SLC39A10: variants seen among roughly 807,000 people sequenced by gnomAD.
SLC39A10 encodes solute carrier family 39 member 10, also known as zinc transporter ZIP10.
SLC39A10 carries 13 observed loss-of-function variants against 65.1 expected under a neutral mutation model. The observed-to-expected ratio is 0.20, with a 90% confidence interval of 0.13 to 0.32. SLC39A10 has a LOEUF of 0.32. Among genes scored for constraint, SLC39A10 ranks in the 10% least tolerant of loss-of-function variants. The pLI, the probability that SLC39A10 is intolerant of heterozygous loss-of-function variation, is 1.00. For synonymous variants in SLC39A10, 321 were observed against 342.2 expected, an observed-to-expected ratio of 0.94 and a Z score of 0.68; for missense variants, 831 against 1,018.4, an observed-to-expected ratio of 0.82 and a Z score of 2.50.
At chr2:195,659,529 A>G (rs552491085) in intron 1 of SLC39A10, among the ~76,000 whole-genome samples, 88 of 152,330 alleles carry the variant, frequency 5.8e-4, no homozygotes, top group African/African-American at 2.1e-3. Flanking sequence ...CCTTCTGATT[A>G]GAGAAATTTA....
chr2:195,628,986 T>C (rs80319841), intron 2 of SLC39A10, among the ~76,000 whole-genome samples: 1 of 152,290 alleles, frequency 6.6e-6, no homozygotes, highest in African/African-American at 2.4e-5. Flanking sequence ...AATATCTCAA[T>C]TATTAAGTCT....
At position 195,736,024 on chromosome 2, in the gene SLC39A10, C is replaced by T. The variant is rs192751461; in HGVS notation, c.*983C>T. 3.9e-5 allele frequency: 6 copies of T among 152,508 alleles called. No individual in the cohort carries two copies. The highest frequency in any genetic ancestry group is 1.2e-4 in the African/African-American group (5 of 41,510). 9.4% of individuals were successfully genotyped at this position (152,508 alleles called of 1,614,324 possible). A position where few individuals can be genotyped will look rare whatever the true frequency, so the allele number is the denominator to read the frequency against. The stretch of plus-strand genomic sequence containing the variant: ...TGGCACTGGAACCAAGAGCACATGT[C>T]GTGGCTGGCTACAAGGTTGTAAAGC... On this transcript the variant is annotated 3_prime_UTR_variant, in exon 10 of 10. Transcript: ENST00000359634.
At chr2:195,632,595 A>G (rs939704644) in intron 2 of SLC39A10, among the ~76,000 whole-genome samples, 4 of 152,138 alleles carry the variant, frequency 2.6e-5, no homozygotes, top group African/African-American at 9.7e-5. Context: ...GGCATGAGCC[A>G]CCACACCTGG....
chr2:195,723,924 G>GA (rs1553507212), intron 8 of SLC39A10, among the ~76,000 whole-genome samples: 2 of 151,740 alleles, frequency 1.3e-5, no homozygotes, highest in African/African-American at 2.4e-5. Flanking sequence ...AGTTGAAAAA[G>GA]AAAAAAATAT....
intron 2 of SLC39A10, among the ~76,000 whole-genome samples, chr2:195,633,930 G>C (rs1434440098): frequency 6.6e-6 from 1 of 152,216 alleles, no homozygotes; most frequent in Non-Finnish European, 1.5e-5. Context: ...TTCGGCTTGA[G>C]GGTGGGGCTT....
chr2:195,688,174 G>A lies in SLC39A10; in HGVS notation c.1216+4268G>A, dbSNP rs540647081. ...CATATAAAGAAAACATTTATTAGTG[G>A]TATTTAATAGTTTGTATATTGTTTT... On this transcript the variant is annotated intron_variant, in intron 3 of 9. Transcript: ENST00000359634. Among the ~76,000 whole-genome samples, 18 of 152,120 alleles carry A rather than the reference G, an allele frequency of 1.2e-4. 1 individual carries two copies. The East Asian group carries it at 3.3e-3, about 28-fold the overall frequency.
chr2:195,732,436 GGC>G (rs1692459349), intron 9 of SLC39A10, among the ~76,000 whole-genome samples: 1 of 152,106 alleles, frequency 6.6e-6, no homozygotes, highest in Non-Finnish European at 1.5e-5. Context: ...AAACAAATAT[GGC>G]CATACCGGTA....
intron 2 of SLC39A10, among the ~76,000 whole-genome samples, chr2:195,616,770 A>AT (rs1187826116): frequency 6.6e-6 from 1 of 151,124 alleles, no homozygotes; most frequent in African/African-American, 2.4e-5. Context: ...CGCCTGGCTA[A>AT]TTTTTTGTAT....
At chr2:195,629,498 T>C (rs1688540817) in intron 2 of SLC39A10, among the ~76,000 whole-genome samples, 1 of 151,872 alleles carries the variant, frequency 6.6e-6, no homozygotes. Context: ...AAAATATATA[T>C]CTCAAGTCTG....
chr2:195,729,538 C>T (rs1692365651), intron 9 of SLC39A10, among the ~76,000 whole-genome samples: 1 of 152,172 alleles, frequency 6.6e-6, no homozygotes, highest in South Asian at 2.1e-4. Flanking sequence ...CATTTACATT[C>T]TTTCCTGTTA....
At chr2:195,701,153 T>G (rs1164763696) in intron 3 of SLC39A10, among the ~76,000 whole-genome samples, 5 of 151,992 alleles carry the variant, frequency 3.3e-5, no homozygotes. Context: ...CATCAGTAAT[T>G]TCCATTGTCC....
At chr2:195,714,100 T>C (rs1288445116) in intron 6 of SLC39A10, among the ~76,000 whole-genome samples, 3 of 151,976 alleles carry the variant, frequency 2.0e-5, no homozygotes, top group African/African-American at 7.3e-5. Context: ...CTAATTTTTT[T>C]CTTTGTATTT....
intron 5 of SLC39A10, among the ~76,000 whole-genome samples, chr2:195,709,968 G>T (rs1185985105): frequency 6.6e-6 from 1 of 152,138 alleles, no homozygotes; most frequent in African/African-American, 2.4e-5. Context: ...CTGGAGGTAA[G>T]AAGTCAGATT....
chr2:195,706,748 C>A lies in SLC39A10; in HGVS notation c.1349C>A (p.Thr450Lys). 1 of 1,592,064 alleles carries A rather than the reference C, an allele frequency of 6.3e-7. No individual in the cohort carries two copies. ...LTFLVALAVG[T>K]MSGDALLHLL... ...TTCCTTGTTGCATTAGCTGTAGGAACAATGAGTGGAGACGCCCTTCTTCAT... is the reference window on the plus strand; with the variant it reads ...TTCCTTGTTGCATTAGCTGTAGGAAAAATGAGTGGAGACGCCCTTCTTCAT... The change falls in exon 4 of 10, where the codon ACA (threonine) becomes AAA (lysine). Residue 450 changes from threonine (T) to lysine (K), a missense_variant. This residue lies in a region of SLC39A10 where 35 missense variants were observed against 72.4 expected (regional missense o/e 0.48). Coordinates refer to ENST00000359634, the MANE Select transcript of SLC39A10 (RefSeq NM_020342.3).
At chr2:195,617,729 A>ATTTTATTTTATTTTATTTTATTTTC (rs1688250471) in intron 2 of SLC39A10, among the ~76,000 whole-genome samples, 1 of 123,380 alleles carries the variant, frequency 8.1e-6, no homozygotes, top group African/African-American at 2.7e-5. Context: ...CTTTTCTTTT[A>ATTTTATTTTATTTTATTTTATTTTC]TTTTATTTTA....
rs187064062 is a variant in SLC39A10, at chr2:195,672,197, C to A, written c.-11-7835C>A. Among the ~76,000 whole-genome samples the A allele has an allele frequency of 2.1e-3, 325 of 152,204 alleles. 1 individual carries two copies. Among genetic ancestry groups the A allele is most frequent in the African/African-American group, 7.3e-3 (304 of 41,540 alleles). ...GCTGGAGTGCACAGCACAGCACGAT[C>A]TTGGCTCACTACAGCCTGGCCCTCC... On this transcript the variant is annotated intron_variant, in intron 1 of 9. Coordinates refer to ENST00000359634, the MANE Select transcript of SLC39A10 (RefSeq NM_020342.3).
Position 195,706,820 on chromosome 2 carries a change from A to T in SLC39A10, c.1386+35A>T, listed in dbSNP as rs1305918222. ...GTTTTTAATGTTTTTAAAAATTTAA[A>T]ATAAAAATATTTAAGCTGAAAGGGT... On this transcript the variant is annotated intron_variant, in intron 4 of 9. Coordinates refer to ENST00000359634, the MANE Select transcript of SLC39A10 (RefSeq NM_020342.3). The T allele has an allele frequency of 2.9e-6, 4 of 1,403,500 alleles. No individual in the cohort carries two copies. The Admixed American group carries it at 1.1e-4, about 39-fold the overall frequency. 86.9% of individuals were successfully genotyped at this position (1,403,500 alleles called of 1,614,324 possible). A position where few individuals can be genotyped will look rare whatever the true frequency, so the allele number is the denominator to read the frequency against.
intron 8 of SLC39A10, among the ~76,000 whole-genome samples, chr2:195,721,435 A>G (rs1023269670): frequency 2.0e-5 from 3 of 151,880 alleles, no homozygotes; most frequent in Non-Finnish European, 4.4e-5. Context: ...TTCCTAGTTT[A>G]TCATGTTAAG....
At position 195,729,269 on chromosome 2, in the gene SLC39A10, A is replaced by G. The variant is rs529317974; in HGVS notation, c.2337+920A>G. 3.9e-3 allele frequency among the ~76,000 whole-genome samples: 600 copies of G among 152,298 alleles called. 5 individuals are homozygous for G. Among genetic ancestry groups the G allele is most frequent in the African/African-American group, 0.014 (566 of 41,554 alleles). ...AGTGCTGGGATTACAAGTGTGAGCTACCACACCCGGCCCAGCCTAAATTTT... is the reference window on the plus strand; with the variant it reads ...AGTGCTGGGATTACAAGTGTGAGCTGCCACACCCGGCCCAGCCTAAATTTT... On this transcript the variant is annotated intron_variant, in intron 9 of 9. Transcript: ENST00000359634.
Sources: gnomAD v4.1 joint callset for allele counts (sites outside exome capture counted in the v4.1 genomes callset) on GRCh38, gnomAD v4.1.1 for gene constraint, gnomAD v4.1.1 regional missense constraint, MANE v1.5 for transcripts, NCBI Gene and HGNC (gene_info 2026-07-23, HGNC 2026-07-21) for gene names.